Variants in KCTD8 observed in about 807,000 individuals in gnomAD.
KCTD8 encodes the protein potassium channel tetramerization domain containing 8, also known as BTB/POZ domain-containing protein KCTD8.
KCTD8 carries 27 observed loss-of-function variants against 31.5 expected under a neutral mutation model. The ratio of observed to expected loss-of-function variants is 0.86; its 90% CI spans 0.63 to 1.18. The LOEUF is 1.18. Among genes scored for constraint, KCTD8 ranks in the 50% most tolerant of loss-of-function variants. The pLI is 0.00. For missense variants in KCTD8, 658 were observed against 647.7 expected (o/e 1.02, Z -0.17); for synonymous variants, 290 against 280.0 (o/e 1.04, Z -0.36).
At chr4:44,374,665 A>C (rs368126967) in intron 1 of KCTD8, among the ~76,000 whole-genome samples, 120 of 152,212 alleles carry the variant, frequency 7.9e-4, no homozygotes, top group African/African-American at 2.6e-3. Flanking sequence ...TGAACACTTA[A>C]AGGCCACTAT....
intron 1 of KCTD8, among the ~76,000 whole-genome samples, chr4:44,388,359 T>A (rs943427228): frequency 6.6e-6 from 1 of 151,946 alleles, no homozygotes; most frequent in East Asian, 1.9e-4. Flanking sequence ...ACTGGGTATA[T>A]GCCCAAAGGA....
intron 1 of KCTD8, among the ~76,000 whole-genome samples, chr4:44,431,220 TAGAG>T (rs2109477507): frequency 6.6e-6 from 1 of 151,704 alleles, no homozygotes; most frequent in Admixed American, 6.6e-5. Context: ...GAATAGAAAG[TAGAG>T]AAAGTTCTGA....
intron 1 of KCTD8, among the ~76,000 whole-genome samples, chr4:44,187,027 G>T (rs1315255263): frequency 1.3e-5 from 2 of 152,004 alleles, no homozygotes; most frequent in Non-Finnish European, 2.9e-5. Flanking sequence ...CAAAAGCAAA[G>T]AAATGGGGGG....
At chr4:44,380,572 T>C (rs1396898486) in intron 1 of KCTD8, among the ~76,000 whole-genome samples, 1 of 151,808 alleles carries the variant, frequency 6.6e-6, no homozygotes, top group Non-Finnish European at 1.5e-5. Context: ...TTATTTAAAA[T>C]GTTGACAAAT....
intron 1 of KCTD8, among the ~76,000 whole-genome samples, chr4:44,344,902 A>T (rs1015795733): frequency 3.9e-5 from 6 of 152,190 alleles, no homozygotes; most frequent in African/African-American, 7.2e-5. Context: ...TAAGCAACAG[A>T]GAGTAAAGTA....
At chr4:44,315,700 C>T (rs1304054195) in intron 1 of KCTD8, among the ~76,000 whole-genome samples, 1 of 151,952 alleles carries the variant, frequency 6.6e-6, no homozygotes, top group African/African-American at 2.4e-5. Flanking sequence ...ATAATTTACC[C>T]TCACATTTGA....
At chr4:44,191,289 C>G (rs903740246) in intron 1 of KCTD8, among the ~76,000 whole-genome samples, 1 of 152,122 alleles carries the variant, frequency 6.6e-6, no homozygotes, top group Non-Finnish European at 1.5e-5. Flanking sequence ...CCTCAGGACC[C>G]TGTGATGATT....
At chr4:44,393,650 G>C (rs935368534) in intron 1 of KCTD8, among the ~76,000 whole-genome samples, 1 of 151,670 alleles carries the variant, frequency 6.6e-6, no homozygotes, top group South Asian at 2.1e-4. Context: ...TTACAATGGA[G>C]TTTATGAATG....
At chr4:44,186,421 A>G (rs1713589574) in intron 1 of KCTD8, among the ~76,000 whole-genome samples, 1 of 152,152 alleles carries the variant, frequency 6.6e-6, no homozygotes, top group South Asian at 2.1e-4. Flanking sequence ...CATGTAACCC[A>G]ATTTTTCTGG....
chr4:44,325,506 T>C (rs556726553), intron 1 of KCTD8, among the ~76,000 whole-genome samples: 1 of 152,010 alleles, frequency 6.6e-6, no homozygotes, highest in South Asian at 2.1e-4. Flanking sequence ...CTGGATTGTT[T>C]GTAACTGAAA....
At chr4:44,393,738 G>A (rs1456938571) in intron 1 of KCTD8, among the ~76,000 whole-genome samples, 5 of 151,740 alleles carry the variant, frequency 3.3e-5, no homozygotes, top group Non-Finnish European at 5.9e-5. Flanking sequence ...TGAGGACTAC[G>A]CTGCCATGAA....
intron 1 of KCTD8, among the ~76,000 whole-genome samples, chr4:44,419,463 T>C (rs546598650): frequency 5.9e-4 from 90 of 152,284 alleles, no homozygotes; most frequent in African/African-American, 1.9e-3. Context: ...AACAGTTGAA[T>C]AGTGTGACTT....
At chr4:44,235,578 T>TATATATAGAG (rs1553895183) in intron 1 of KCTD8, among the ~76,000 whole-genome samples, 5 of 64,120 alleles carry the variant, frequency 7.8e-5, no homozygotes, top group African/African-American at 1.5e-4. Context: ...TATATATATT[T>TATATATAGAG]AGAGAGAGAG....
intron 1 of KCTD8, among the ~76,000 whole-genome samples, chr4:44,269,347 C>A (rs1716500066): frequency 6.6e-6 from 1 of 151,872 alleles, no homozygotes; most frequent in African/African-American, 2.4e-5. Context: ...ACGTAGAAAG[C>A]TGAAACTGGA....
chr4:44,263,121 G>A (rs1424433749), intron 1 of KCTD8, among the ~76,000 whole-genome samples: 1 of 152,080 alleles, frequency 6.6e-6, no homozygotes, highest in Non-Finnish European at 1.5e-5. Context: ...GCAACGGAAA[G>A]CATATGGTAT....
At chr4:44,264,574 A>G (rs1716280098) in intron 1 of KCTD8, among the ~76,000 whole-genome samples, 1 of 152,208 alleles carries the variant, frequency 6.6e-6, no homozygotes, top group Admixed American at 6.5e-5. Flanking sequence ...GAGCCGAAGC[A>G]AGGCGAGGCA....
At position 44,448,689 on chromosome 4, in the gene KCTD8, C is replaced by G. The variant is rs1039832051; in HGVS notation, c.-166G>C. ...TCAGGGTTCGGGGCAGCGGCGGCGT[C>G]GGCGGCGCCCGAGCTCCATCGGAGG... On this transcript the variant is annotated 5_prime_UTR_variant, in exon 1 of 2. Coordinates refer to ENST00000360029, the MANE Select transcript of KCTD8 (RefSeq NM_198353.3). This position sits in a 1 kb window ranked among gnomAD's most constrained non-coding sequence, Gnocchi z 4.1. The G allele has an allele frequency of 1.5e-5, 9 of 618,436 alleles. No individual in the cohort carries two copies. The South Asian group carries it at 4.6e-4, about 32-fold the overall frequency. 38.3% of individuals were successfully genotyped at this position (618,436 alleles called of 1,614,324 possible). A position where few individuals can be genotyped will look rare whatever the true frequency, so the allele number is the denominator to read the frequency against.
chr4:44,424,742 C>T (rs1721304433), intron 1 of KCTD8, among the ~76,000 whole-genome samples: 1 of 151,968 alleles, frequency 6.6e-6, no homozygotes, highest in Non-Finnish European at 1.5e-5. Flanking sequence ...ACACATTGGA[C>T]ACGATATATA....
At chr4:44,198,707 C>G (rs1714024498) in intron 1 of KCTD8, among the ~76,000 whole-genome samples, 1 of 152,094 alleles carries the variant, frequency 6.6e-6, no homozygotes, top group African/African-American at 2.4e-5. Flanking sequence ...CAAAAACACA[C>G]TAAGGACATA....
Sources: gnomAD v4.1 joint callset for allele counts (sites outside exome capture counted in the v4.1 genomes callset) on GRCh38, gnomAD v4.1.1 for gene constraint, Gnocchi (gnomAD v3.1) non-coding constraint, MANE v1.5 for transcripts, NCBI Gene and HGNC (gene_info 2026-07-23, HGNC 2026-07-21) for gene names.